Variants in CSK observed in about 807,000 individuals in gnomAD.
CSK encodes tyrosine-protein kinase CSK.
A neutral mutation model predicts 62.3 loss-of-function variants in CSK; 7 were observed. That is an observed-to-expected ratio of 0.11 (90% CI 0.06 to 0.21). The LOEUF is 0.21. CSK is among the 10% of genes least tolerant of loss of function. The pLI is 1.00. For synonymous variants in CSK, 237 were observed against 246.0 expected (o/e 0.96, Z 0.34); for missense variants, 294 against 613.5 (o/e 0.48, Z 5.50).
chr15:74,787,151 C>G (rs1247035053), intron 1 of CSK, among the ~76,000 whole-genome samples: 1 of 152,210 alleles, frequency 6.6e-6, no homozygotes, highest in East Asian at 1.9e-4. Context: ...TCCCTTCCCC[C>G]TCTCCTCTGG....
intron 1 of CSK, among the ~76,000 whole-genome samples, chr15:74,793,822 C>T (rs895408616): frequency 6.6e-6 from 1 of 152,000 alleles, no homozygotes; most frequent in Non-Finnish European, 1.5e-5. Context: ...GGGTGACTAA[C>T]AGCGCAGCAG....
intron 1 of CSK, among the ~76,000 whole-genome samples, chr15:74,795,858 AT>A (rs1244854067): frequency 6.6e-6 from 1 of 152,344 alleles, no homozygotes; most frequent in East Asian, 1.9e-4. Flanking sequence ...ATTGACACTC[AT>A]TTTGTTTGTT....
intron 5 of CSK, among the ~76,000 whole-genome samples, chr15:74,799,977 C>T (rs1156986732): frequency 1.3e-5 from 2 of 152,214 alleles, no homozygotes; most frequent in African/African-American, 4.8e-5. Context: ...TCTGCCAGCC[C>T]TGGCCAGGCC....
At chr15:74,794,760 G>A (rs2063679722) in intron 1 of CSK, among the ~76,000 whole-genome samples, 1 of 152,126 alleles carries the variant, frequency 6.6e-6, no homozygotes, top group Admixed American at 6.5e-5. Context: ...GCCCAGGCCT[G>A]ACTATAGAGC....
At position 74,802,402 on chromosome 15, in the gene CSK, A is replaced by G. The variant is rs558448796; in HGVS notation, c.1242A>G (p.Ala414=). The G allele has an allele frequency of 1.1e-5, 17 of 1,612,410 alleles. No homozygotes were observed. The African/African-American group carries it at 1.9e-4, about 18-fold the overall frequency. ...KMDAPDGCPP[A]VYEVMKNCWH... is the part of the protein sequence containing the mutation. ...ATGCCCCCGACGGCTGCCCGCCCGC[A>G]GTCTATGAAGTCATGAAGAACTGCT... The change falls in exon 13 of 13, where the codon GCA becomes GCG. Residue 414 remains alanine (A), a synonymous_variant. Coordinates refer to ENST00000220003, the MANE Select transcript of CSK (RefSeq NM_004383.3).
At chr15:74,801,922 G>C in intron 11 of CSK, 32 bp downstream of exon 11, 1 of 1,609,298 alleles carries the variant, frequency 6.2e-7, no homozygotes, top group South Asian at 1.1e-5. Flanking sequence ...GCCTACAGAG[G>C]TGGGCAGGAG....
In CSK at chr15:74,802,777, C is replaced by CT; in HGVS notation, c.*264_*265insT. The CT allele has an allele frequency of 2.3e-6, 1 of 426,854 alleles. No individual in the cohort carries two copies. The highest frequency in any genetic ancestry group is 4.1e-6 in the Non-Finnish European group (1 of 241,660). The allele number at this position is 426,854 out of a possible 1,614,324, so 26.4% of individuals were successfully genotyped here. ...ACCACGTCGGGCTTCCCTGGCCTCC[C>CT]GCCACTCGCCTTCTTAGAGTTTTAT... is the stretch of plus-strand genomic sequence containing the variant. On this transcript the variant is annotated 3_prime_UTR_variant, in exon 13 of 13. Transcript: ENST00000220003.
chr15:74,782,733 C>G lies in CSK; in HGVS notation c.-66+13C>G, dbSNP rs2063455448. The G allele has an allele frequency of 6.5e-6, 1 of 152,716 alleles. No homozygotes were observed. 9.5% of individuals were successfully genotyped at this position (152,716 alleles called of 1,614,324 possible). A position where few individuals can be genotyped will look rare whatever the true frequency, so the allele number is the denominator to read the frequency against. Reference sequence around the variant, plus strand: ...TGCCCCAAGAGAGGTGAGTGCCTGGCCGTCCCGGAGTGTCCCCTGGAGGGA... The same window carrying G: ...TGCCCCAAGAGAGGTGAGTGCCTGGGCGTCCCGGAGTGTCCCCTGGAGGGA... On this transcript the variant is annotated intron_variant, in intron 1 of 12. Transcript: ENST00000220003. The surrounding 1 kb of genome is among the most constrained non-coding windows in gnomAD (Gnocchi z 5.7).
chr15:74,790,503 C>T (rs577904123), intron 1 of CSK, among the ~76,000 whole-genome samples: 1 of 152,342 alleles, frequency 6.6e-6, no homozygotes, highest in Non-Finnish European at 1.5e-5. Flanking sequence ...GGCACAATGC[C>T]AGCCTGTTCC....
At chr15:74,797,807 T>C (rs1437594211) in intron 1 of CSK, 1 of 155,204 alleles carries the variant, frequency 6.4e-6, no homozygotes, top group African/African-American at 2.4e-5. Context: ...AGATGCTACC[T>C]GGGCGGGATT....
chr15:74,802,431 ACCTGGACGCCGCCATGCGGC>A lies in CSK; in HGVS notation c.1275_1294del (p.Asp426LeufsTer9). 1 of 1,613,008 alleles carries A rather than the reference ACCTGGACGCCGCCATGCGGC, an allele frequency of 6.2e-7. No individual in the cohort carries two copies. Among genetic ancestry groups the A allele is most frequent in the Non-Finnish European group, 8.5e-7 (1 of 1,179,822 alleles). ...TATGAAGTCATGAAGAACTGCTGGC[ACCTGGACGCCGCCATGCGGC>A]CCTCCTTCCTACAGCTCCGAGAGCA... On this transcript the variant is annotated frameshift_variant, in exon 13 of 13. Coordinates refer to ENST00000220003, the MANE Select transcript of CSK (RefSeq NM_004383.3). LOFTEE classifies it high-confidence loss of function.
At position 74,798,264 on chromosome 15, in the gene CSK, A is replaced by C. The variant is rs1277722329; in HGVS notation, c.-34A>C. On this transcript the variant is annotated 5_prime_UTR_variant, in exon 2 of 13. Transcript: ENST00000220003. This position sits in a 1 kb window ranked among gnomAD's most constrained non-coding sequence, Gnocchi z 6.6. ...TGGTACCAAGTGACAGGTTGGCTTT[A>C]CTGTGACTCGGGGACGCCAGAGCTC... The C allele has an allele frequency of 1.3e-6, 2 of 1,549,818 alleles. No homozygotes were observed. Among genetic ancestry groups the C allele is most frequent in the Non-Finnish European group, 1.7e-6 (2 of 1,147,852 alleles).
intron 1 of CSK, chr15:74,793,095 C>T (rs2063649057): frequency 6.6e-6 from 1 of 152,316 alleles, no homozygotes; most frequent in South Asian, 2.1e-4. Flanking sequence ...GTTAGCAGCT[C>T]CCACTTGCAA....
chr15:74,785,189 C>T (rs1164301580), intron 1 of CSK, among the ~76,000 whole-genome samples: 3 of 152,174 alleles, frequency 2.0e-5, no homozygotes, highest in African/African-American at 7.2e-5. Flanking sequence ...CCTTCATTGT[C>T]GTTGTCACTG....
At chr15:74,788,045 C>T (rs2063551520) in intron 1 of CSK, among the ~76,000 whole-genome samples, 1 of 152,200 alleles carries the variant, frequency 6.6e-6, no homozygotes, top group Non-Finnish European at 1.5e-5. Context: ...AGCTGGGGCT[C>T]TGCGTGGGCT....
chr15:74,799,686 C>T (rs1010272072), intron 5 of CSK, among the ~76,000 whole-genome samples, 195 bp downstream of exon 5: 2 of 152,176 alleles, frequency 1.3e-5, no homozygotes, highest in Non-Finnish European at 2.9e-5. Context: ...CCCCACAGTG[C>T]CACCATGAGG....
intron 1 of CSK, among the ~76,000 whole-genome samples, chr15:74,788,115 A>G (rs16972628): frequency 0.025 from 3,864 of 152,304 alleles, 125 homozygotes; most frequent in East Asian, 0.18. Flanking sequence ...AAGTGTTTGA[A>G]GAAGAAGCGT....
At chr15:74,788,390 G>C (rs2063557329) in intron 1 of CSK, among the ~76,000 whole-genome samples, 1 of 152,146 alleles carries the variant, frequency 6.6e-6, no homozygotes, top group Admixed American at 6.5e-5. Flanking sequence ...CCCTAACCAA[G>C]GTTCAGACAA....
chr15:74,788,749 A>G, intron 1 of CSK: 1 of 154,292 alleles, frequency 6.5e-6, no homozygotes, highest in East Asian at 1.9e-4. Flanking sequence ...CAGTCTCCCC[A>G]CCTAGAATGT....
Sources: allele counts gnomAD v4.1 joint callset (sites outside exome capture counted in the v4.1 genomes callset), GRCh38; gene constraint gnomAD v4.1.1; non-coding constraint Gnocchi (gnomAD v3.1); transcripts MANE v1.5; gene names NCBI Gene and HGNC (gene_info 2026-07-23, HGNC 2026-07-21).